The following DCC variants were observed in gnomAD, a reference collection of about 807,000 sequenced individuals.
DCC encodes DCC netrin 1 receptor, also known as netrin receptor DCC.
DCC carries 58 observed loss-of-function variants against 172.5 expected under a neutral mutation model. The ratio of observed to expected loss-of-function variants is 0.34; its 90% CI spans 0.27 to 0.42. The LOEUF is 0.42. Ranked by LOEUF, DCC falls within the 10% of genes least tolerant of loss-of-function variation. DCC has a pLI of 1.00. For synonymous variants in DCC, 709 were observed against 644.5 expected (o/e 1.10, Z -1.52); for missense variants, 1,740 against 1,791.0 (o/e 0.97, Z 0.51).
chr18:53,235,403 G>A (rs1022225819), intron 12 of DCC, among the ~76,000 whole-genome samples: 1 of 152,088 alleles, frequency 6.6e-6, no homozygotes, highest in Admixed American at 6.6e-5. Context: ...TCTTTTGTCT[G>A]AGTAGAGTTA....
intron 5 of DCC, among the ~76,000 whole-genome samples, chr18:53,057,189 G>A (rs939564870): frequency 6.6e-6 from 1 of 150,652 alleles, no homozygotes; most frequent in African/African-American, 2.4e-5. Context: ...TATTTAAGCT[G>A]TTGATGATGA....
intron 1 of DCC, among the ~76,000 whole-genome samples, chr18:52,516,684 C>T (rs1598881273): frequency 6.6e-6 from 1 of 152,100 alleles, no homozygotes; most frequent in Non-Finnish European, 1.5e-5. Context: ...GCATTAAATA[C>T]CTGAAAAGGT....
chr18:53,422,759 G>T (rs1910701661), intron 21 of DCC, among the ~76,000 whole-genome samples: 1 of 152,168 alleles, frequency 6.6e-6, no homozygotes, highest in Non-Finnish European at 1.5e-5. Flanking sequence ...TTGGATTACA[G>T]CAGCCAGACT....
intron 12 of DCC, among the ~76,000 whole-genome samples, chr18:53,298,073 G>A (rs944840279): frequency 1.3e-5 from 2 of 152,040 alleles, no homozygotes; most frequent in East Asian, 1.9e-4. Context: ...TAATTTAAGC[G>A]ATCACTGGAA....
chr18:52,925,102 C>A (rs1476091099), intron 4 of DCC, 132 bp from the exon 5 acceptor site: 2 of 883,030 alleles, frequency 2.3e-6, no homozygotes, highest in Non-Finnish European at 3.7e-6. Flanking sequence ...AGACTTTAAT[C>A]AAGCCCTTAT....
intron 21 of DCC, among the ~76,000 whole-genome samples, chr18:53,423,437 T>G (rs904765810): frequency 5.9e-5 from 9 of 152,128 alleles, no homozygotes; most frequent in Non-Finnish European, 8.8e-5. Context: ...AACGTCTCTT[T>G]CCTGGTGTCA....
intron 5 of DCC, among the ~76,000 whole-genome samples, chr18:53,017,892 G>T (rs554968725): frequency 6.6e-6 from 1 of 152,220 alleles, no homozygotes; most frequent in Admixed American, 6.5e-5. Context: ...GTCAATTTCT[G>T]CATGGTGGCA....
chr18:53,430,750 G>A (rs556793505), intron 21 of DCC, among the ~76,000 whole-genome samples: 3 of 152,212 alleles, frequency 2.0e-5, no homozygotes, highest in African/African-American at 7.2e-5. Flanking sequence ...GCTAGCATTA[G>A]TTACTCATAG....
chr18:52,916,015 C>G (rs1258011055), intron 3 of DCC, among the ~76,000 whole-genome samples: 1 of 151,800 alleles, frequency 6.6e-6, no homozygotes, highest in Non-Finnish European at 1.5e-5. Flanking sequence ...AGTTTTTTAC[C>G]ATGTTGGCTT....
Position 52,817,893 on chromosome 18 carries a change from G to GGGT in DCC, c.412+65520_412+65522dup, listed in dbSNP as rs1235266012. ...CTCAAGGAGACCAAAAAGAGAATGA[G>GGGT]GGTAAAGCCAGCTTGTGGAATGCTT... is the stretch of plus-strand genomic sequence containing the variant. On this transcript the variant is annotated intron_variant, in intron 2 of 28. Coordinates refer to ENST00000442544, the MANE Select transcript of DCC (RefSeq NM_005215.4). Among the ~76,000 whole-genome samples, 5 of 152,256 alleles carry GGGT rather than the reference G, an allele frequency of 3.3e-5. No individual in the cohort carries two copies. In the East Asian group the frequency reaches 9.6e-4, roughly 29 times the overall value.
At chr18:52,995,802 A>G (rs1431196822) in intron 5 of DCC, among the ~76,000 whole-genome samples, 1 of 151,986 alleles carries the variant, frequency 6.6e-6, no homozygotes, top group African/African-American at 2.4e-5. Context: ...AGTAAGTATC[A>G]GTTAGCAAAC....
chr18:53,052,450 A>T (rs185122166), intron 5 of DCC, among the ~76,000 whole-genome samples: 1 of 151,090 alleles, frequency 6.6e-6, no homozygotes, highest in African/African-American at 2.4e-5. Context: ...TTATGTTTCT[A>T]TATTTACTAT....
intron 1 of DCC, among the ~76,000 whole-genome samples, chr18:52,408,871 C>A (rs960437132): frequency 6.6e-6 from 1 of 152,038 alleles, no homozygotes; most frequent in Non-Finnish European, 1.5e-5. Flanking sequence ...CTTTAAAGGG[C>A]AGACAAAATG....
At position 52,541,889 on chromosome 18, in the gene DCC, ATATATATGTG is replaced by A. The variant is rs1404693440; in HGVS notation, c.91+201019_91+201028del. Among the ~76,000 whole-genome samples the A allele has an allele frequency of 4.4e-5, 6 of 136,332 alleles. No homozygotes were observed. In the East Asian group the frequency reaches 6.7e-4, roughly 15 times the overall value. 89.4% of individuals were successfully genotyped at this position (136,332 alleles called of 152,430 possible). ...TGTGTGTGTGTGTATATATATATAT[ATATATATGTG>A]TATATATATATGTACACAATCCTTT... On this transcript the variant is annotated intron_variant, in intron 1 of 28. Coordinates refer to ENST00000442544, the MANE Select transcript of DCC (RefSeq NM_005215.4).
intron 1 of DCC, among the ~76,000 whole-genome samples, chr18:52,513,014 T>C (rs2031497362): frequency 6.6e-6 from 1 of 152,142 alleles, no homozygotes; most frequent in African/African-American, 2.4e-5. Flanking sequence ...ATATAGATCC[T>C]TGTGGGCCTG....
intron 12 of DCC, among the ~76,000 whole-genome samples, chr18:53,226,948 A>ATATTTTTT: frequency 1.3e-4 from 7 of 52,950 alleles, no homozygotes; most frequent in African/African-American, 1.9e-4. Context: ...ATATATATAT[A>ATATTTTTT]TTTTTTTTTT....
intron 1 of DCC, among the ~76,000 whole-genome samples, chr18:52,428,311 G>A (rs1361731903): frequency 6.6e-6 from 1 of 152,066 alleles, no homozygotes. Flanking sequence ...TCTTTTACAT[G>A]AAGCCTTCAG....
intron 26 of DCC, among the ~76,000 whole-genome samples, chr18:53,492,838 G>GT (rs1439875289): frequency 2.6e-5 from 4 of 152,108 alleles, no homozygotes; most frequent in African/African-American, 7.2e-5. Context: ...ATTTAAAGTA[G>GT]TTTTTTCCAA....
intron 26 of DCC, among the ~76,000 whole-genome samples, chr18:53,488,591 T>G (rs2045927968): frequency 6.6e-6 from 1 of 152,234 alleles, no homozygotes; most frequent in Non-Finnish European, 1.5e-5. Context: ...CGTTTTCCTC[T>G]TTCCTCTTAA....
Sources: gnomAD v4.1 joint callset for allele counts (sites outside exome capture counted in the v4.1 genomes callset) on GRCh38, gnomAD v4.1.1 for gene constraint, MANE v1.5 for transcripts, NCBI Gene and HGNC (gene_info 2026-07-23, HGNC 2026-07-21) for gene names.